Variants in NLGN1 observed in about 807,000 individuals in gnomAD.
NLGN1 encodes the protein neuroligin-1.
NLGN1 carries 12 observed loss-of-function variants against 65.5 expected under a neutral mutation model. That is an observed-to-expected ratio of 0.18 (90% CI 0.12 to 0.30). The LOEUF (loss-of-function observed/expected upper bound fraction) is 0.30. NLGN1 is among the 10% of genes least tolerant of loss of function. The pLI, the probability that NLGN1 is intolerant of heterozygous loss-of-function variation, is 1.00. For missense variants in NLGN1, 750 were observed against 1,007.1 expected (o/e 0.74, Z 3.46); for synonymous variants, 350 against 359.5 (o/e 0.97, Z 0.30).
At chr3:174,250,135 G>T (rs982742183) in intron 4 of NLGN1, among the ~76,000 whole-genome samples, 1 of 152,038 alleles carries the variant, frequency 6.6e-6, no homozygotes, top group Non-Finnish European at 1.5e-5. Flanking sequence ...AAGCCCTTAA[G>T]TATTACTCTG....
intron 3 of NLGN1, among the ~76,000 whole-genome samples, chr3:173,611,707 A>T (rs1752327247): frequency 6.6e-6 from 1 of 152,198 alleles, no homozygotes; most frequent in South Asian, 2.1e-4. Context: ...AAAGAACAAC[A>T]TCAGTTGTTC....
intron 4 of NLGN1, among the ~76,000 whole-genome samples, chr3:173,832,060 C>T (rs9811669): frequency 0.69 from 103,747 of 151,284 alleles, 36,332 homozygotes; most frequent in Non-Finnish European, 0.73. Flanking sequence ...CAGGCTTACG[C>T]GATCTTTCCA....
At chr3:173,938,849 C>T (rs1023798123) in intron 4 of NLGN1, among the ~76,000 whole-genome samples, 36 of 151,902 alleles carry the variant, frequency 2.4e-4, no homozygotes, top group Admixed American at 1.1e-3. Flanking sequence ...GACAGATGTC[C>T]TTAGTGGCAA....
At chr3:174,229,269 G>C (rs951922846) in intron 4 of NLGN1, among the ~76,000 whole-genome samples, 1 of 152,014 alleles carries the variant, frequency 6.6e-6, no homozygotes, top group South Asian at 2.1e-4. Flanking sequence ...AAGTAGATTT[G>C]GGTTATGAAT....
At chr3:174,168,286 A>AT (rs1727899846) in intron 4 of NLGN1, among the ~76,000 whole-genome samples, 1 of 151,974 alleles carries the variant, frequency 6.6e-6, no homozygotes, top group Non-Finnish European at 1.5e-5. Flanking sequence ...CTACATTTAG[A>AT]TTTTTCGTGG....
intron 4 of NLGN1, among the ~76,000 whole-genome samples, chr3:174,168,056 C>A (rs1329557334): frequency 6.6e-6 from 1 of 151,850 alleles, no homozygotes; most frequent in East Asian, 1.9e-4. Context: ...AAATTAGTTT[C>A]TCAATTCCAG....
intron 2 of NLGN1, among the ~76,000 whole-genome samples, chr3:173,603,368 A>G (rs1750863104): frequency 6.6e-6 from 1 of 152,096 alleles, no homozygotes; most frequent in South Asian, 2.1e-4. Flanking sequence ...ATGTTTGATT[A>G]GTGTTAATAT....
At chr3:174,238,311 G>GT (rs140336779) in intron 4 of NLGN1, among the ~76,000 whole-genome samples, 16,875 of 139,744 alleles carry the variant, frequency 0.12, 1,680 homozygotes, top group African/African-American at 0.27. Context: ...TCTACTTTCT[G>GT]TTTTTTCTTT....
chr3:173,614,856 G>A (rs1213500473), intron 3 of NLGN1, among the ~76,000 whole-genome samples: 1 of 151,978 alleles, frequency 6.6e-6, no homozygotes, highest in Non-Finnish European at 1.5e-5. Flanking sequence ...CAGAGCAAAG[G>A]GAGCTTCTGT....
chr3:173,709,803 C>CAAA (rs59998502), intron 3 of NLGN1, among the ~76,000 whole-genome samples: 2,808 of 69,064 alleles, frequency 0.041, 113 homozygotes, highest in African/African-American at 0.058. Context: ...AACTCTATCT[C>CAAA]AAAAAAAAAA....
At chr3:173,472,245 A>T (rs2148931017) in intron 2 of NLGN1, among the ~76,000 whole-genome samples, 1 of 152,232 alleles carries the variant, frequency 6.6e-6, no homozygotes, top group South Asian at 2.1e-4. Context: ...TTAAAATTTG[A>T]CCACAAACAT....
intron 4 of NLGN1, among the ~76,000 whole-genome samples, chr3:173,850,912 T>A (rs528272848): frequency 7.7e-4 from 117 of 151,994 alleles, no homozygotes; most frequent in Non-Finnish European, 1.3e-3. Flanking sequence ...TTTTTTTTTT[T>A]AATTTTACTT....
chr3:174,163,894 T>A (rs1331565104), intron 4 of NLGN1, among the ~76,000 whole-genome samples: 1 of 152,104 alleles, frequency 6.6e-6, no homozygotes, highest in Non-Finnish European at 1.5e-5. Flanking sequence ...GCATTTAACA[T>A]ACAAGTGCAT....
chr3:173,422,333 G>A (rs1199437169), intron 1 of NLGN1, among the ~76,000 whole-genome samples: 1 of 152,150 alleles, frequency 6.6e-6, no homozygotes, highest in Non-Finnish European at 1.5e-5. Flanking sequence ...TCTCAAGGAG[G>A]TAGAGAGTAG....
At chr3:173,964,051 C>T (rs1560735170) in intron 4 of NLGN1, among the ~76,000 whole-genome samples, 1 of 152,026 alleles carries the variant, frequency 6.6e-6, no homozygotes, top group Non-Finnish European at 1.5e-5. Context: ...AGTGTAAAAG[C>T]CAGGATGTGC....
rs572711744 is a variant in NLGN1, at chr3:173,757,803, C to G, written c.494-49877C>G. On this transcript the variant is annotated intron_variant, in intron 3 of 6. Transcript: ENST00000457714. ...AAGTGATTATGTAAATAAAAGCCCA[C>G]GTACTTCAAAATTACATACTGAAGT... 9.2e-5 allele frequency among the ~76,000 whole-genome samples: 14 copies of G among 152,136 alleles called. No homozygotes were observed. The East Asian group carries it at 2.5e-3, about 27-fold the overall frequency.
chr3:173,676,894 A>G (rs911257133), intron 3 of NLGN1, among the ~76,000 whole-genome samples: 9 of 152,186 alleles, frequency 5.9e-5, no homozygotes, highest in Admixed American at 5.9e-4. Flanking sequence ...TTTGATCACC[A>G]TCCTTTTACT....
chr3:173,884,512 A>G (rs1733954262), intron 4 of NLGN1, among the ~76,000 whole-genome samples: 1 of 152,140 alleles, frequency 6.6e-6, no homozygotes, highest in Non-Finnish European at 1.5e-5. Flanking sequence ...AGTGTTGACA[A>G]TTAGTGATGG....
chr3:173,612,490 C>CTAA (rs1170689492), intron 3 of NLGN1, among the ~76,000 whole-genome samples: 3 of 151,966 alleles, frequency 2.0e-5, no homozygotes, highest in African/African-American at 7.2e-5. Flanking sequence ...CCAGAGGTTA[C>CTAA]TAATAGTCCT....
Sources: gnomAD v4.1 joint callset for allele counts (sites outside exome capture counted in the v4.1 genomes callset) on GRCh38, gnomAD v4.1.1 for gene constraint, MANE v1.5 for transcripts, NCBI Gene and HGNC (gene_info 2026-07-23, HGNC 2026-07-21) for gene names.